Variants in CDH4 observed in about 807,000 individuals in gnomAD.
CDH4 encodes cadherin-4.
Under a neutral mutation model 86.0 loss-of-function variants are expected in CDH4, and 33 were observed. The ratio of observed to expected loss-of-function variants is 0.38; its 90% confidence interval spans 0.29 to 0.51. CDH4 has a LOEUF of 0.51. Ranked by LOEUF, CDH4 falls within the 20% of genes least tolerant of loss-of-function variation. The pLI is 0.86. For missense variants in CDH4, 1,114 were observed against 1,307.4 expected (o/e 0.85, Z 2.28); for synonymous variants, 555 against 549.4 (o/e 1.01, Z -0.14).
chr20:61,438,113 G>T (rs969201007), intron 2 of CDH4, among the ~76,000 whole-genome samples: 4 of 152,162 alleles, frequency 2.6e-5, no homozygotes, highest in Non-Finnish European at 5.9e-5. Flanking sequence ...CCTGAACCCT[G>T]CTACAATTCT....
In CDH4 at chr20:61,364,771, G is replaced by A. The variant is rs146981041; in HGVS notation, c.169+109834G>A. 3.2e-3 allele frequency among the ~76,000 whole-genome samples: 486 copies of A among 152,308 alleles called. 1 individual carries two copies. The highest frequency in any genetic ancestry group is 0.011 in the African/African-American group (458 of 41,556). ...AATAGATCTGGTTTCAAACCCAAGC[G>A]ATGATGAGGCTGCCTCAGCAGAAGA... On this transcript the variant is annotated intron_variant, in intron 2 of 15. Coordinates refer to ENST00000614565, the MANE Select transcript of CDH4 (RefSeq NM_001794.5).
intron 2 of CDH4, among the ~76,000 whole-genome samples, chr20:61,584,978 C>T (rs1600782511): frequency 6.6e-6 from 1 of 152,334 alleles, no homozygotes; most frequent in East Asian, 1.9e-4. Context: ...ATGTGAGGCC[C>T]CTCCTTCCAC....
intron 2 of CDH4, among the ~76,000 whole-genome samples, chr20:61,620,887 C>A (rs557612057): frequency 1.1e-4 from 17 of 152,348 alleles, no homozygotes; most frequent in Admixed American, 2.6e-4. Context: ...GCGCCTCCAC[C>A]ACCCTGGTGA....
intron 2 of CDH4, among the ~76,000 whole-genome samples, chr20:61,699,556 T>C (rs1201322823): frequency 6.6e-6 from 1 of 152,214 alleles, no homozygotes; most frequent in Non-Finnish European, 1.5e-5. Context: ...GAAAGTGTTA[T>C]TTTCAACAGA....
intron 2 of CDH4, among the ~76,000 whole-genome samples, chr20:61,318,159 G>A (rs1049628211): frequency 6.6e-6 from 1 of 152,158 alleles, no homozygotes; most frequent in Non-Finnish European, 1.5e-5. Context: ...TGTGTGAAAG[G>A]GGAACTCACC....
intron 2 of CDH4, chr20:61,437,339 G>A (rs1434722940): frequency 6.6e-6 from 1 of 152,194 alleles, no homozygotes; most frequent in African/African-American, 2.4e-5. Flanking sequence ...CAAGATCCCT[G>A]TTTTCTTTGG....
rs148872406 is a variant in CDH4, at chr20:61,897,057, G to C, written c.1188+2010G>C. 4.3e-4 allele frequency among the ~76,000 whole-genome samples: 66 copies of C among 152,346 alleles called. 1 individual carries two copies. The highest frequency in any genetic ancestry group is 1.4e-3 in the African/African-American group (57 of 41,574). ...CATGCTCTGAAAAACGGCCAGCCCAGGGAGTCACACTGAGCCCCCCACAGA... is the reference window on the plus strand; with the variant it reads ...CATGCTCTGAAAAACGGCCAGCCCACGGAGTCACACTGAGCCCCCCACAGA... On this transcript the variant is annotated intron_variant, in intron 8 of 15. Transcript: ENST00000614565.
At chr20:61,333,939 C>A (rs925126195) in intron 2 of CDH4, among the ~76,000 whole-genome samples, 14 of 152,188 alleles carry the variant, frequency 9.2e-5, no homozygotes, top group Non-Finnish European at 1.8e-4. Context: ...TGGGAGGGGG[C>A]CTCCTGGTCG....
In CDH4 at chr20:61,743,492, G is replaced by C. The variant is rs142341525; in HGVS notation, c.170-71G>C. Reference sequence around the variant, plus strand: ...ACTGGGGGCCTGTAGGGCGTCCTGCGTGGTTGCTGCCATTGTTACCGCCCT... The same window carrying C: ...ACTGGGGGCCTGTAGGGCGTCCTGCCTGGTTGCTGCCATTGTTACCGCCCT... On this transcript the variant is annotated intron_variant, in intron 2 of 15. Transcript: ENST00000614565. The C allele has an allele frequency of 5.9e-6, 7 of 1,185,842 alleles. No homozygotes were observed. The African/African-American group carries it at 1.1e-4, about 18-fold the overall frequency. 73.5% of individuals were successfully genotyped at this position (1,185,842 alleles called of 1,614,324 possible). A position where few individuals can be genotyped will look rare whatever the true frequency, so the allele number is the denominator to read the frequency against.
intron 2 of CDH4, among the ~76,000 whole-genome samples, chr20:61,388,535 G>A (rs905801804): frequency 3.9e-5 from 6 of 152,164 alleles, no homozygotes; most frequent in Admixed American, 6.5e-5. Context: ...AGCACATTAG[G>A]TTTAACATCC....
intron 6 of CDH4, among the ~76,000 whole-genome samples, chr20:61,855,411 G>T (rs190839763): frequency 6.6e-6 from 1 of 152,192 alleles, no homozygotes; most frequent in Non-Finnish European, 1.5e-5. Context: ...GGCAGGCAGG[G>T]GGTGAGCAGA....
chr20:61,573,030 TTGGATGGATGGATGGATGGATGGA>T (rs760571002), intron 2 of CDH4, among the ~76,000 whole-genome samples: 1 of 140,446 alleles, frequency 7.1e-6, no homozygotes. Context: ...GGATGGATGG[TTGGATGGATGGATGGATGGATGGA>T]TGGATGGATG....
intron 3 of CDH4, among the ~76,000 whole-genome samples, chr20:61,748,889 AAG>A (rs1394146206): frequency 1.3e-5 from 1 of 74,116 alleles, no homozygotes; most frequent in Non-Finnish European, 2.6e-5. Flanking sequence ...AAATGCAAAA[AAG>A]AGAAATGAAA....
intron 8 of CDH4, among the ~76,000 whole-genome samples, chr20:61,908,716 G>A (rs529730664): frequency 3.3e-5 from 5 of 152,316 alleles, no homozygotes; most frequent in Admixed American, 6.5e-5. Context: ...CAAGTCAGCT[G>A]GGGAGGGGCA....
intron 7 of CDH4, among the ~76,000 whole-genome samples, chr20:61,891,123 G>C (rs1325253744): frequency 6.6e-6 from 1 of 152,126 alleles, no homozygotes; most frequent in African/African-American, 2.4e-5. Context: ...AGGAGGTGTG[G>C]GGTGCACAGT....
At chr20:61,671,530 C>A (rs990497154) in intron 2 of CDH4, among the ~76,000 whole-genome samples, 3 of 151,388 alleles carry the variant, frequency 2.0e-5, no homozygotes, top group Non-Finnish European at 4.4e-5. Flanking sequence ...GATAGATGGA[C>A]AAATGGATGG....
chr20:61,519,859 C>A (rs1475478), intron 2 of CDH4, among the ~76,000 whole-genome samples: 5 of 152,052 alleles, frequency 3.3e-5, no homozygotes, highest in African/African-American at 1.2e-4. Context: ...GGGCCCTGAC[C>A]GCTGTCTAGA....
At chr20:61,346,038 T>C (rs555419946) in intron 2 of CDH4, among the ~76,000 whole-genome samples, 5 of 152,312 alleles carry the variant, frequency 3.3e-5, no homozygotes, top group South Asian at 2.1e-4. Flanking sequence ...AAGTACACAG[T>C]GAGCAGAATA....
chr20:61,394,589 C>T (rs867678024), intron 2 of CDH4, among the ~76,000 whole-genome samples: 2 of 151,638 alleles, frequency 1.3e-5, no homozygotes, highest in African/African-American at 2.4e-5. Context: ...AGCACCAGGG[C>T]GGGGTGAGGA....
Sources: gnomAD v4.1 joint callset for allele counts (sites outside exome capture counted in the v4.1 genomes callset) on GRCh38, gnomAD v4.1.1 for gene constraint, MANE v1.5 for transcripts, NCBI Gene and HGNC (gene_info 2026-07-23, HGNC 2026-07-21) for gene names.